The following TENM4 variants were observed in gnomAD, a reference collection of about 807,000 sequenced individuals.
The protein encoded by TENM4 is teneurin-4.
A neutral mutation model predicts 243.3 loss-of-function variants in TENM4; 82 were observed. The observed-to-expected ratio is 0.34, with a 90% CI of 0.28 to 0.40. The LOEUF (loss-of-function observed/expected upper bound fraction) is 0.40. Among genes scored for constraint, TENM4 ranks in the 10% least tolerant of loss-of-function variants. The pLI is 1.00. For synonymous variants in TENM4, 1,412 were observed against 1,456.3 expected (o/e 0.97, Z 0.69); for missense variants, 3,138 against 3,673.3 (o/e 0.85, Z 3.77).
At chr11:79,232,917 CG>C (rs958209765) in intron 2 of TENM4, among the ~76,000 whole-genome samples, 1 of 152,180 alleles carries the variant, frequency 6.6e-6, no homozygotes, top group African/African-American at 2.4e-5. Context: ...TAAAACTGTC[CG>C]GGGTGTACCA....
chr11:78,963,731 CTTTTTT>C (rs66777307), intron 6 of TENM4, among the ~76,000 whole-genome samples: 1 of 99,002 alleles, frequency 1.0e-5, no homozygotes. Context: ...GGTTCCATGA[CTTTTTT>C]TTTTTTTTTT....
intron 13 of TENM4, among the ~76,000 whole-genome samples, chr11:78,812,741 G>A (rs140740336): frequency 4.6e-5 from 7 of 152,118 alleles, no homozygotes; most frequent in East Asian, 3.9e-4. Context: ...CATCTGCAGC[G>A]CCACTTACTG....
At chr11:79,005,788 A>T (rs1044142468) in intron 6 of TENM4, among the ~76,000 whole-genome samples, 10 of 152,188 alleles carry the variant, frequency 6.6e-5, no homozygotes, top group Non-Finnish European at 1.5e-4. Context: ...ACAAAGAGGA[A>T]GACAGCAAGT....
intron 3 of TENM4, among the ~76,000 whole-genome samples, chr11:79,155,248 G>C (rs556236046): frequency 6.6e-6 from 1 of 152,278 alleles, no homozygotes; most frequent in South Asian, 2.1e-4. Context: ...GGCTCCTGTG[G>C]AACCCACATT....
chr11:78,930,007 A>G (rs1336188949), intron 6 of TENM4, among the ~76,000 whole-genome samples: 1 of 152,120 alleles, frequency 6.6e-6, no homozygotes, highest in Non-Finnish European at 1.5e-5. Context: ...ATGAATTTAG[A>G]TTTTACCATG....
At chr11:78,671,795 C>G (rs1858332075) in intron 31 of TENM4, among the ~76,000 whole-genome samples, 1 of 152,250 alleles carries the variant, frequency 6.6e-6, no homozygotes. Context: ...TGGGCCTCTA[C>G]TCTATCAGGC....
chr11:78,765,643 C>T (rs1372757222), intron 18 of TENM4, among the ~76,000 whole-genome samples: 1 of 152,168 alleles, frequency 6.6e-6, no homozygotes, highest in Non-Finnish European at 1.5e-5. Context: ...TTTTAAAAAG[C>T]ATAGGTTCCA....
rs1163969119 is a variant in TENM4, at chr11:79,409,182, T to C, written c.-321+31327A>G. On this transcript the variant is annotated intron_variant, in intron 1 of 33. Coordinates refer to ENST00000278550, the MANE Select transcript of TENM4 (RefSeq NM_001098816.3). ...GAATAAGCTGTAGAGATAAATTTTG[T>C]TGTGAGCTTCTCTTCCAGAAAAAAA... Among the ~76,000 whole-genome samples the C allele has an allele frequency of 6.6e-5, 10 of 151,148 alleles. 1 individual carries two copies. Among genetic ancestry groups the C allele is most frequent in the Admixed American group, 3.9e-4 (6 of 15,206 alleles).
intron 4 of TENM4, among the ~76,000 whole-genome samples, chr11:79,071,656 G>A (rs996104573): frequency 2.6e-5 from 4 of 152,160 alleles, no homozygotes; most frequent in Non-Finnish European, 1.5e-5. Flanking sequence ...TCCAAATTCT[G>A]CCTTTGACCA....
chr11:79,057,541 G>A (rs924476803), intron 6 of TENM4, among the ~76,000 whole-genome samples: 5 of 152,106 alleles, frequency 3.3e-5, no homozygotes, highest in African/African-American at 1.2e-4. Context: ...TCACCCTGGG[G>A]ACTTACTGTC....
chr11:79,157,441 C>G (rs933846175), intron 3 of TENM4, among the ~76,000 whole-genome samples: 1 of 152,138 alleles, frequency 6.6e-6, no homozygotes, highest in African/African-American at 2.4e-5. Context: ...CTTACTCATG[C>G]ACTCAGCGAA....
chr11:78,787,233 T>G (rs1856960508), intron 15 of TENM4, 150 bp from the exon 16 acceptor site: 1 of 908,010 alleles, frequency 1.1e-6, no homozygotes, highest in African/African-American at 1.7e-5. Context: ...ATACCTGGGC[T>G]TCTGTGACAG....
intron 4 of TENM4, among the ~76,000 whole-genome samples, chr11:79,105,696 A>G (rs949476559): frequency 1.3e-5 from 2 of 152,186 alleles, no homozygotes; most frequent in South Asian, 2.1e-4. Context: ...AGCTGGTTTC[A>G]GCCCCATGGT....
At chr11:79,338,299 GT>G (rs1857187059) in intron 1 of TENM4, among the ~76,000 whole-genome samples, 1 of 152,248 alleles carries the variant, frequency 6.6e-6, no homozygotes, top group Non-Finnish European at 1.5e-5. Flanking sequence ...CCAGATTCTA[GT>G]GGGGCAAATT....
Position 78,898,352 on chromosome 11 carries a change from T to C in TENM4, c.749+4916A>G, listed in dbSNP as rs920713362. ...CTCTTGGTCATTCTACCAGCTGTTA[T>C]AGTATTTATTCAGCCATTAATTCTA... On this transcript the variant is annotated intron_variant, in intron 7 of 33. Coordinates refer to ENST00000278550, the MANE Select transcript of TENM4 (RefSeq NM_001098816.3). Among the ~76,000 whole-genome samples the C allele has an allele frequency of 7.9e-5, 12 of 152,376 alleles. No individual in the cohort carries two copies. In the South Asian group the frequency reaches 2.5e-3, roughly 32 times the overall value.
intron 12 of TENM4, among the ~76,000 whole-genome samples, chr11:78,846,617 A>C (rs888757239): frequency 6.6e-6 from 1 of 152,198 alleles, no homozygotes; most frequent in Non-Finnish European, 1.5e-5. Context: ...ATACAAAGAG[A>C]CTGAACCAAG....
At chr11:79,266,321 A>G (rs1426562149) in intron 2 of TENM4, among the ~76,000 whole-genome samples, 2 of 152,154 alleles carry the variant, frequency 1.3e-5, no homozygotes, top group Non-Finnish European at 2.9e-5. Context: ...TACCAAGCAC[A>G]CTCTAGGCAC....
rs573738448 is a variant in TENM4, at chr11:79,229,849, A to G, written c.-264-13940T>C. Among the ~76,000 whole-genome samples the G allele has an allele frequency of 5.7e-5, 8 of 141,460 alleles. No homozygotes were observed. In the South Asian group the frequency reaches 1.7e-3, roughly 31 times the overall value. The allele number at this position is 141,460 out of a possible 152,430, so 92.8% of individuals were successfully genotyped here. A position where few individuals can be genotyped will look rare whatever the true frequency, so the allele number is the denominator to read the frequency against. ...TCCTACACTTTTTTTTTTAACAGAC[A>G]AAGTACTTGCTCTTTAATCCAGGCT... On this transcript the variant is annotated intron_variant, in intron 2 of 33. Coordinates refer to ENST00000278550, the MANE Select transcript of TENM4 (RefSeq NM_001098816.3).
chr11:79,292,458 T>C (rs1312050785), intron 2 of TENM4, among the ~76,000 whole-genome samples: 4 of 152,244 alleles, frequency 2.6e-5, no homozygotes, highest in African/African-American at 4.8e-5. Context: ...CTTTTCTTGC[T>C]AATTCTATCA....
Sources: allele counts gnomAD v4.1 joint callset (sites outside exome capture counted in the v4.1 genomes callset), GRCh38; gene constraint gnomAD v4.1.1; transcripts MANE v1.5; gene names NCBI Gene and HGNC (gene_info 2026-07-23, HGNC 2026-07-21).